FOXP4: variants seen among roughly 807,000 people sequenced by gnomAD.
The protein encoded by FOXP4 is forkhead box P4, also known as forkhead box protein P4.
In FOXP4, 25 loss-of-function variants were observed where a neutral mutation model predicts 82.6. That is an observed-to-expected ratio of 0.30 (90% CI 0.22 to 0.42). The LOEUF is 0.42. Among genes scored for constraint, FOXP4 ranks in the 10% least tolerant of loss-of-function variants. The pLI, the probability that FOXP4 is intolerant of heterozygous loss-of-function variation, is 1.00. For missense variants in FOXP4, 785 were observed against 900.9 expected (o/e 0.87, Z 1.65); for synonymous variants, 415 against 388.2 (o/e 1.07, Z -0.81).
rs1251156277 is a variant in FOXP4, at chr6:41,587,401, G to T, written c.761G>T (p.Gly254Val). The T allele has an allele frequency of 3.1e-6, 5 of 1,591,904 alleles. No individual in the cohort carries two copies. Among genetic ancestry groups the T allele is most frequent in the African/African-American group, 1.3e-5 (1 of 74,562 alleles). Residue 254 changes from glycine to valine, a missense_variant, in exon 7 of 17, where the codon GGC (glycine) becomes GTC (valine). By Grantham distance (109) the Gly-to-Val change is moderately radical. Coordinates refer to ENST00000307972, the MANE Select transcript of FOXP4 (RefSeq NM_001012426.2). ...SVKQEGLDLT[G>V]TAATATSFAA... ...AAGCAGGAGGGGCTGGACCTCACTG[G>T]CACGGCCGCCACCGCTACCTCGTTT...
At position 41,589,756 on chromosome 6, in the gene FOXP4, T is replaced by C; in HGVS notation, c.1066-15T>C. The C allele has an allele frequency of 6.2e-7, 1 of 1,609,524 alleles. No homozygotes were observed. Among genetic ancestry groups the C allele is most frequent in the Non-Finnish European group, 8.5e-7 (1 of 1,179,080 alleles). ...TCAGCCTCCCGCTCACCTCCTGCTT[T>C]GCCACCCTCCACAGCTCGCCAAGGA... On this transcript the variant is annotated splice_polypyrimidine_tract_variant and intron_variant, in intron 9 of 16. Coordinates refer to ENST00000307972, the MANE Select transcript of FOXP4 (RefSeq NM_001012426.2).
At chr6:41,580,628 A>G (rs1174035886) in intron 3 of FOXP4, among the ~76,000 whole-genome samples, 1 of 152,000 alleles carries the variant, frequency 6.6e-6, no homozygotes, top group Non-Finnish European at 1.5e-5. Flanking sequence ...TCCTAAGTTT[A>G]TTATCTCCAA....
At position 41,571,328 on chromosome 6, in the gene FOXP4, G is replaced by A. The variant is rs1287112981; in HGVS notation, c.204+5364G>A. On this transcript the variant is annotated intron_variant, in intron 2 of 16. Coordinates refer to ENST00000307972, the MANE Select transcript of FOXP4 (RefSeq NM_001012426.2). ...GGCAGAGGCCGGGCACTGCTGGTGC[G>A]AAGCCTGCCTGAGTTTGAGAGCAGT... Among the ~76,000 whole-genome samples the A allele has an allele frequency of 8.5e-5, 13 of 152,374 alleles. No homozygotes were observed. The South Asian group carries it at 1.2e-3, about 15-fold the overall frequency.
intron 1 of FOXP4, among the ~76,000 whole-genome samples, chr6:41,555,515 T>C (rs1173463364): frequency 6.6e-6 from 1 of 152,194 alleles, no homozygotes. Context: ...CAGTGGTTTG[T>C]CCCAGGCCCT....
At chr6:41,574,452 GC>G (rs1765365612) in intron 2 of FOXP4, among the ~76,000 whole-genome samples, 1 of 152,242 alleles carries the variant, frequency 6.6e-6, no homozygotes, top group Non-Finnish European at 1.5e-5. Context: ...TTTGAAAACT[GC>G]AAGGCAAATG....
chr6:41,580,782 G>C (rs903952717), intron 3 of FOXP4, among the ~76,000 whole-genome samples: 1 of 152,154 alleles, frequency 6.6e-6, no homozygotes, highest in Non-Finnish European at 1.5e-5. Flanking sequence ...GAGTGCAGTG[G>C]ATAATGAAGG....
chr6:41,596,988 T>G (rs1581793586), intron 14 of FOXP4, among the ~76,000 whole-genome samples, 188 bp from the exon 15 acceptor site: 1 of 152,178 alleles, frequency 6.6e-6, no homozygotes, highest in African/African-American at 2.4e-5. Context: ...GCAGGGCCAG[T>G]TGAGCGTGAA....
At chr6:41,547,222 G>C (rs1763685263) in intron 1 of FOXP4, among the ~76,000 whole-genome samples, 1 of 151,938 alleles carries the variant, frequency 6.6e-6, no homozygotes, top group Non-Finnish European at 1.5e-5. Context: ...GGCCACCGAG[G>C]CCCGCCCTTC....
In FOXP4 at chr6:41,595,090, T is replaced by G. The variant is rs1766752192; in HGVS notation, c.1658+99T>G. 21 of 1,538,072 alleles carry G rather than the reference T, an allele frequency of 1.4e-5. No individual in the cohort carries two copies. The South Asian group carries it at 2.5e-4, about 18-fold the overall frequency. On this transcript the variant is annotated intron_variant, in intron 14 of 16. Coordinates refer to ENST00000307972, the MANE Select transcript of FOXP4 (RefSeq NM_001012426.2). ...CTCCAGGGTACACATGTGCACCAGATCCTTCCTGGCTGGGGGAAGGGGTGT... is the reference window on the plus strand; with the variant it reads ...CTCCAGGGTACACATGTGCACCAGAGCCTTCCTGGCTGGGGGAAGGGGTGT...
At chr6:41,562,407 A>G (rs769550675) in intron 1 of FOXP4, among the ~76,000 whole-genome samples, 12 of 152,182 alleles carry the variant, frequency 7.9e-5, no homozygotes, top group South Asian at 4.1e-4. Context: ...ACCCTGTTTA[A>G]TATGAATGAT....
At chr6:41,592,309 G>A (rs1258938298) in intron 13 of FOXP4, among the ~76,000 whole-genome samples, 2 of 152,132 alleles carry the variant, frequency 1.3e-5, no homozygotes, top group Admixed American at 1.3e-4. Flanking sequence ...CTTTGCCCTG[G>A]GATTATGCTA....
rs1765113215 is a variant in FOXP4 at position 41,570,114 on chromosome 6, A to ACACACACACACG, written c.204+4153_204+4154insACACACACGCAC. ...CACACACACACACACACACACACACACACGCAGTCAACAGTTGTCTTTGGT... is the reference window on the plus strand; with the variant it reads ...CACACACACACACACACACACACACACACACACACACGCACGCAGTCAACAGTTGTCTTTGGT... On this transcript the variant is annotated intron_variant, in intron 2 of 16. Coordinates refer to ENST00000307972, the MANE Select transcript of FOXP4 (RefSeq NM_001012426.2). The ACACACACACACG allele has an allele frequency of 8.5e-6, 3 of 351,334 alleles. No homozygotes were observed. In the East Asian group the frequency reaches 2.3e-4, roughly 27 times the overall value. 21.8% of individuals were successfully genotyped at this position (351,334 alleles called of 1,614,324 possible). A position where few individuals can be genotyped will look rare whatever the true frequency, so the allele number is the denominator to read the frequency against.
intron 2 of FOXP4, among the ~76,000 whole-genome samples, chr6:41,570,810 G>C (rs1046151532): frequency 2.0e-5 from 3 of 152,178 alleles, no homozygotes; most frequent in Non-Finnish European, 4.4e-5. Context: ...ATTGAAGTGG[G>C]GAAGGCTGCA....
At chr6:41,592,615 C>T (rs1016576271) in intron 13 of FOXP4, among the ~76,000 whole-genome samples, 1 of 152,164 alleles carries the variant, frequency 6.6e-6, no homozygotes, top group Non-Finnish European at 1.5e-5. Context: ...GCATATTAAT[C>T]TTTTGCCTTT....
At position 41,591,372 on chromosome 6, in the gene FOXP4, C is replaced by T; in HGVS notation, c.1536+50C>T. On this transcript the variant is annotated intron_variant, in intron 13 of 16. Coordinates refer to ENST00000307972, the MANE Select transcript of FOXP4 (RefSeq NM_001012426.2). The surrounding 1 kb of genome is among the most constrained non-coding windows in gnomAD (Gnocchi z 4.2). ...TGGGCCCCAGTCACCCTTGGACCTGCCATATCCCATGGAGACCAAGGCTGC... is the reference window on the plus strand; with the variant it reads ...TGGGCCCCAGTCACCCTTGGACCTGTCATATCCCATGGAGACCAAGGCTGC... 3 of 1,443,242 alleles carry T rather than the reference C, an allele frequency of 2.1e-6. No individual in the cohort carries two copies. The highest frequency in any genetic ancestry group is 1.9e-6 in the Non-Finnish European group (2 of 1,048,706). The allele number at this position is 1,443,242 out of a possible 1,614,324, so 89.4% of individuals were successfully genotyped here.
At chr6:41,563,795 C>T (rs1764724756) in intron 1 of FOXP4, among the ~76,000 whole-genome samples, 1 of 152,210 alleles carries the variant, frequency 6.6e-6, no homozygotes, top group South Asian at 2.1e-4. Context: ...GGTTCCACAT[C>T]CGTGGATTCA....
intron 1 of FOXP4, among the ~76,000 whole-genome samples, chr6:41,564,617 CTT>C (rs1320359170): frequency 1.3e-5 from 2 of 152,140 alleles, no homozygotes; most frequent in African/African-American, 2.4e-5. Flanking sequence ...GACCTTGACT[CTT>C]TGCCTTGGGT....
chr6:41,587,584 G>A (rs1766224776), intron 7 of FOXP4, 72 bp downstream of exon 7: 2 of 1,289,812 alleles, frequency 1.6e-6, no homozygotes, highest in Non-Finnish European at 2.2e-6. Context: ...ACCCATGAGG[G>A]CTGACTGTGA....
In FOXP4 at chr6:41,593,055, G is replaced by C. The variant is rs554021017; in HGVS notation, c.1536+1733G>C. Among the ~76,000 whole-genome samples, 3 of 152,254 alleles carry C rather than the reference G, an allele frequency of 2.0e-5. No homozygotes were observed. Among genetic ancestry groups the C allele is most frequent in the African/African-American group, 7.2e-5 (3 of 41,544 alleles). On this transcript the variant is annotated intron_variant, in intron 13 of 16. Coordinates refer to ENST00000307972, the MANE Select transcript of FOXP4 (RefSeq NM_001012426.2). The surrounding 1 kb of genome is among the most constrained non-coding windows in gnomAD (Gnocchi z 4.1). The stretch of plus-strand genomic sequence containing the variant: ...AGGCCACTGCCTGAGCCTTCCTCAT[G>C]GCACAGCAGAATCCATCCAGCTTGA...
Sources: allele counts gnomAD v4.1 joint callset (sites outside exome capture counted in the v4.1 genomes callset), GRCh38; gene constraint gnomAD v4.1.1; non-coding constraint Gnocchi (gnomAD v3.1); transcripts MANE v1.5; gene names NCBI Gene and HGNC (gene_info 2026-07-23, HGNC 2026-07-21).